Variants in GLCCI1 observed in about 807,000 individuals in gnomAD.
The protein encoded by GLCCI1 is glucocorticoid-induced transcript 1 protein.
GLCCI1 carries 24 observed loss-of-function variants against 52.2 expected under a neutral mutation model. The ratio of observed to expected loss-of-function variants is 0.46; its 90% CI spans 0.33 to 0.65. The LOEUF is 0.65. Ranked by LOEUF, GLCCI1 falls within the 30% of genes least tolerant of loss-of-function variation. The pLI, the probability that GLCCI1 is intolerant of heterozygous loss-of-function variation, is 0.02. For synonymous variants in GLCCI1, 310 were observed against 276.5 expected (o/e 1.12, Z -1.20); for missense variants, 704 against 701.5 (o/e 1.00, Z -0.04).
At chr7:8,023,588 C>CTTATTTTTTTTTTTTTT (rs1781544032) in intron 3 of GLCCI1, among the ~76,000 whole-genome samples, 1 of 41,984 alleles carries the variant, frequency 2.4e-5, no homozygotes, top group Non-Finnish European at 4.3e-5. Flanking sequence ...CTCTGTTATT[C>CTTATTTTTTTTTTTTTT]TTTTTTTTTT....
At chr7:8,081,321 G>A (rs1399932084) in intron 6 of GLCCI1, among the ~76,000 whole-genome samples, 1 of 152,094 alleles carries the variant, frequency 6.6e-6, no homozygotes, top group Non-Finnish European at 1.5e-5. Context: ...GAAAACTCTG[G>A]TTAAGAACCA....
At chr7:8,041,118 C>G (rs1373809173) in intron 3 of GLCCI1, among the ~76,000 whole-genome samples, 1 of 152,174 alleles carries the variant, frequency 6.6e-6, no homozygotes, top group Admixed American at 6.5e-5. Flanking sequence ...AATAAAAATT[C>G]TACTCAAACA....
At chr7:8,027,046 C>T (rs969790138) in intron 3 of GLCCI1, among the ~76,000 whole-genome samples, 1 of 152,166 alleles carries the variant, frequency 6.6e-6, no homozygotes, top group African/African-American at 2.4e-5. Context: ...ACTGTGAAGA[C>T]TACAATAAAT....
chr7:8,000,778 T>C (rs1424674104), intron 1 of GLCCI1, among the ~76,000 whole-genome samples: 2 of 152,212 alleles, frequency 1.3e-5, no homozygotes, highest in East Asian at 3.8e-4. Flanking sequence ...ATATGTACCC[T>C]TTACCATTAT....
At chr7:7,972,650 G>A (rs990867086) in intron 1 of GLCCI1, among the ~76,000 whole-genome samples, 5 of 152,104 alleles carry the variant, frequency 3.3e-5, no homozygotes, top group African/African-American at 9.7e-5. Context: ...CATTCTTAAT[G>A]TGAATATTTG....
chr7:8,053,020 A>ATTTG (rs945718776), intron 3 of GLCCI1, among the ~76,000 whole-genome samples: 4 of 150,846 alleles, frequency 2.7e-5, no homozygotes, highest in Non-Finnish European at 5.9e-5. Context: ...TTATTTATTT[A>ATTTG]TTTATTTATT....
At chr7:7,995,011 G>T (rs888703062) in intron 1 of GLCCI1, among the ~76,000 whole-genome samples, 2 of 152,172 alleles carry the variant, frequency 1.3e-5, no homozygotes, top group Non-Finnish European at 2.9e-5. Context: ...GCATGTGAGT[G>T]TATGTGTTTG....
At chr7:8,068,728 G>C (rs983141980) in intron 5 of GLCCI1, among the ~76,000 whole-genome samples, 7 of 152,198 alleles carry the variant, frequency 4.6e-5, no homozygotes, top group Non-Finnish European at 8.8e-5. Flanking sequence ...TGAGTTGCCA[G>C]AGTTCTTGCA....
At position 7,974,716 on chromosome 7, in the gene GLCCI1, T is replaced by C. The variant is rs567151819; in HGVS notation, c.457+4909T>C. Among the ~76,000 whole-genome samples the C allele has an allele frequency of 1.1e-3, 163 of 152,294 alleles. 2 individuals carry two copies. Among genetic ancestry groups the C allele is most frequent in the African/African-American group, 3.8e-3 (159 of 41,574 alleles). On this transcript the variant is annotated intron_variant, in intron 1 of 7. Coordinates refer to ENST00000223145, the MANE Select transcript of GLCCI1 (RefSeq NM_138426.4). ...ATTCTAAAAGTCTGTTTTATTAAAA[T>C]GTTCACAGGTAGTTAATAATCTGCC...
intron 2 of GLCCI1, among the ~76,000 whole-genome samples, chr7:8,019,648 G>A (rs1293732870): frequency 6.6e-6 from 1 of 152,116 alleles, no homozygotes; most frequent in Non-Finnish European, 1.5e-5. Context: ...CACAAACCTA[G>A]ATGGTGTAGC....
intron 2 of GLCCI1, among the ~76,000 whole-genome samples, chr7:8,014,335 A>G (rs1056382040): frequency 1.3e-5 from 2 of 152,094 alleles, no homozygotes; most frequent in Non-Finnish European, 2.9e-5. Context: ...TAATGTATCT[A>G]GTTTACTCAC....
rs769276375 is a variant in GLCCI1, at chr7:8,055,494, A to G, written c.758A>G (p.Glu253Gly). 6.2e-7 allele frequency: 1 copy of G among 1,614,056 alleles called. No individual in the cohort carries two copies. The highest frequency in any genetic ancestry group is 2.2e-5 in the East Asian group (1 of 44,864). The change falls in exon 4 of 8, where the codon GAG becomes GGG. Residue 253 changes from glutamate (E) to glycine (G), a missense_variant. Glu to Gly is a moderately conservative substitution (Grantham distance 98). Around this residue, in one of 3 missense-constraint regions of GLCCI1, gnomAD observed 547 missense variants for 524.8 expected, o/e 1.04. Coordinates refer to ENST00000223145, the MANE Select transcript of GLCCI1 (RefSeq NM_138426.4). ...RSKQSSRHSK[E>G]KDRQSPLHGN... Reference sequence around the variant, plus strand: ...AAACAGAGTAGTCGTCACAGTAAGGAGAAAGATCGCCAGTCACCTCTTCAT... The same window carrying G: ...AAACAGAGTAGTCGTCACAGTAAGGGGAAAGATCGCCAGTCACCTCTTCAT...
At chr7:7,991,470 A>G (rs796980835) in intron 1 of GLCCI1, among the ~76,000 whole-genome samples, 9 of 152,208 alleles carry the variant, frequency 5.9e-5, no homozygotes, top group African/African-American at 2.2e-4. Flanking sequence ...ACCTATCTAA[A>G]TACATTTTAC....
intron 1 of GLCCI1, among the ~76,000 whole-genome samples, chr7:7,977,074 C>G (rs1033801159): frequency 6.6e-6 from 1 of 152,002 alleles, no homozygotes; most frequent in Non-Finnish European, 1.5e-5. Flanking sequence ...TTCTCTGTAG[C>G]CATAAAGAAA....
intron 2 of GLCCI1, among the ~76,000 whole-genome samples, chr7:8,012,517 T>C (rs1317623033): frequency 1.5e-5 from 2 of 137,140 alleles, no homozygotes; most frequent in African/African-American, 5.5e-5. Context: ...TGATCTCGGC[T>C]CACTGCAAGC....
intron 1 of GLCCI1, among the ~76,000 whole-genome samples, chr7:8,002,979 C>T (rs1275882446): frequency 1.3e-5 from 2 of 152,164 alleles, no homozygotes; most frequent in African/African-American, 2.4e-5. Context: ...TTGTTTGCAT[C>T]TCTTGTTCAG....
At chr7:8,078,099 T>C (rs937649897) in intron 6 of GLCCI1, among the ~76,000 whole-genome samples, 1 of 148,426 alleles carries the variant, frequency 6.7e-6, no homozygotes, top group African/African-American at 2.5e-5. Context: ...CCGGGCGTGG[T>C]GGCGGGCACC....
chr7:8,009,596 C>T (rs185972413), intron 2 of GLCCI1, among the ~76,000 whole-genome samples: 72 of 152,254 alleles, frequency 4.7e-4, no homozygotes, highest in African/African-American at 1.3e-3. Context: ...AGAACTGGTG[C>T]ATTCTCTCTG....
intron 3 of GLCCI1, among the ~76,000 whole-genome samples, chr7:8,053,005 ATTATTTATTTATTTAT>A (rs60377934): frequency 4.1e-5 from 6 of 147,230 alleles, no homozygotes; most frequent in South Asian, 2.2e-4. Flanking sequence ...TTGGTTTTGT[ATTATTTATTTATTTAT>A]TTATTTATTT....
Sources: allele counts gnomAD v4.1 joint callset (sites outside exome capture counted in the v4.1 genomes callset), GRCh38; gene constraint gnomAD v4.1.1; regional missense constraint gnomAD v4.1.1; transcripts MANE v1.5; gene names NCBI Gene and HGNC (gene_info 2026-07-23, HGNC 2026-07-21).